TPR: variants seen among roughly 807,000 people sequenced by gnomAD.
TPR encodes the protein nucleoprotein TPR.
TPR carries 51 observed loss-of-function variants against 316.1 expected under a neutral mutation model. The observed-to-expected ratio is 0.16, with a 90% confidence interval of 0.13 to 0.20. The LOEUF (loss-of-function observed/expected upper bound fraction) is 0.20. TPR is among the 10% of genes least tolerant of loss of function. TPR has a pLI of 1.00. For missense variants in TPR, 2,272 were observed against 2,754.8 expected (o/e 0.82, Z 3.92); for synonymous variants, 981 against 914.7 (o/e 1.07, Z -1.31).
At chr1:186,326,281 C>T (rs1214676425) in intron 40 of TPR, 46 bp from the exon 41 acceptor site, 1 of 1,558,416 alleles carries the variant, frequency 6.4e-7, no homozygotes, top group South Asian at 1.2e-5. Flanking sequence ...AGAATATGGC[C>T]CACATGCTCT....
intron 48 of TPR, 105 bp from the exon 49 acceptor site, chr1:186,317,705 C>A: frequency 9.8e-7 from 1 of 1,018,770 alleles, no homozygotes; most frequent in Non-Finnish European, 1.4e-6. Flanking sequence ...TCCAGAGCTC[C>A]CTTAAACAAA....
chr1:186,312,328 T>A lies in TPR; in HGVS notation c.*1643A>T. On this transcript the variant is annotated 3_prime_UTR_variant, in exon 51 of 51. Transcript: ENST00000367478. ...ATAGGACCTTCTCAAACACACACCA[T>A]CAGAATTCAATATTCACCTGCCAGA... 1 of 1,610,384 alleles carries A rather than the reference T, an allele frequency of 6.2e-7. No individual in the cohort carries two copies. Among genetic ancestry groups the A allele is most frequent in the Non-Finnish European group, 8.5e-7 (1 of 1,178,750 alleles).
At chr1:186,367,857 A>G (rs766492449) in intron 4 of TPR, 29 bp downstream of exon 4, 15 of 1,489,454 alleles carry the variant, frequency 1.0e-5, no homozygotes, top group Non-Finnish European at 1.4e-5. Context: ...AAAGGAATGG[A>G]GCTAAAAGCT....
At chr1:186,360,728 G>A (rs780209269) in intron 10 of TPR, 37 bp downstream of exon 10, 4 of 1,609,248 alleles carry the variant, frequency 2.5e-6, no homozygotes, top group Admixed American at 1.7e-5. Flanking sequence ...GAAAGCTGTA[G>A]TATTTCAACT....
Position 186,333,384 on chromosome 1 carries a change from T to G in TPR, c.5193A>C (p.Ser1731=), listed in dbSNP as rs1466776570. ...TQVESQEAMQ[S]EGPVEHVPVF... ...CTGGAACATGTTCCACAGGCCCTTC[T>G]GACTGCATAGCTGAAAAATAATTAT... Residue 1731 remains serine, a synonymous_variant, in exon 37 of 51, where the codon TCA becomes TCC. Coordinates refer to ENST00000367478, the MANE Select transcript of TPR (RefSeq NM_003292.3). 1.2e-6 allele frequency: 2 copies of G among 1,613,262 alleles called. No homozygotes were observed. The highest frequency in any genetic ancestry group is 1.7e-5 in the Admixed American group (1 of 59,904).
At chr1:186,342,262 C>T (rs1658532498) in intron 27 of TPR, 2 of 152,420 alleles carry the variant, frequency 1.3e-5, no homozygotes, top group Non-Finnish European at 2.9e-5. Flanking sequence ...CATGAGCCAC[C>T]ATGCCCGGCC....
chr1:186,334,157 A>G (rs1246341575), intron 36 of TPR, among the ~76,000 whole-genome samples, 168 bp downstream of exon 36: 2 of 152,198 alleles, frequency 1.3e-5, no homozygotes, highest in African/African-American at 4.8e-5. Context: ...TGTCATTACA[A>G]GTGAAAATTT....
chr1:186,316,497 G>T (rs925413183), intron 49 of TPR, among the ~76,000 whole-genome samples: 6 of 152,138 alleles, frequency 3.9e-5, no homozygotes, highest in African/African-American at 1.2e-4. Context: ...AAATCTGAAG[G>T]TTCCATGGCA....
Position 186,360,923 on chromosome 1 carries a change from A to G in TPR, c.959-18T>C, listed in dbSNP as rs1256440303. On this transcript the variant is annotated intron_variant, in intron 9 of 50. Transcript: ENST00000367478. Reference sequence around the variant, plus strand: ...TTTGTTGGCTAAAAAACAATTTTAAAGACCAAATATTCAAACATACAGTTA... The same window carrying G: ...TTTGTTGGCTAAAAAACAATTTTAAGGACCAAATATTCAAACATACAGTTA... 6.2e-7 allele frequency: 1 copy of G among 1,605,054 alleles called. No homozygotes were observed. Among genetic ancestry groups the G allele is most frequent in the South Asian group, 1.1e-5 (1 of 90,108 alleles).
At chr1:186,341,969 AT>A (rs745446885) in intron 27 of TPR, 1 of 148,468 alleles carries the variant, frequency 6.7e-6, no homozygotes, top group East Asian at 2.0e-4. Flanking sequence ...CATTACTATT[AT>A]AATTTTTTTT....
intron 31 of TPR, among the ~76,000 whole-genome samples, chr1:186,337,360 C>A (rs1409455394): frequency 6.6e-6 from 1 of 152,022 alleles, no homozygotes; most frequent in African/African-American, 2.4e-5. Context: ...TACTAAACAG[C>A]TAATCAAAAT....
In TPR at chr1:186,338,147, G is replaced by A. The variant is rs1396714513; in HGVS notation, c.4248C>T (p.Asp1416=). Residue 1416 remains aspartate (D), a synonymous_variant, in exon 31 of 51, where the codon GAC becomes GAT. Coordinates refer to ENST00000367478, the MANE Select transcript of TPR (RefSeq NM_003292.3). ...GGATATCAATTATTTTGGCATCTAAGTCCTTCTGGATGGTTTCCTTTTCAG... is the reference window on the plus strand; with the variant it reads ...GGATATCAATTATTTTGGCATCTAAATCCTTCTGGATGGTTTCCTTTTCAG... The part of the protein sequence containing the change: ...VRTEKETIQK[D]LDAKIIDIQE... 5.0e-6 allele frequency: 8 copies of A among 1,612,882 alleles called. No individual in the cohort carries two copies. The highest frequency in any genetic ancestry group is 5.9e-6 in the Non-Finnish European group (7 of 1,179,504).
In TPR at chr1:186,355,366, T is replaced by A. The variant is rs757627385; in HGVS notation, c.2171+44A>T. 2.6e-6 allele frequency: 4 copies of A among 1,563,566 alleles called. No individual in the cohort carries two copies. The East Asian group carries it at 9.0e-5, about 35-fold the overall frequency. On this transcript the variant is annotated intron_variant, in intron 17 of 50. Coordinates refer to ENST00000367478, the MANE Select transcript of TPR (RefSeq NM_003292.3). ...AATTTAAATGATTTGAATTGTAAAGTATAACATTTAGACTTAATTAATTTG... is the reference window on the plus strand; with the variant it reads ...AATTTAAATGATTTGAATTGTAAAGAATAACATTTAGACTTAATTAATTTG...
rs375161877 is a variant in TPR at position 186,327,331 on chromosome 1, T to C, written c.5889+129A>G. The C allele has an allele frequency of 2.4e-4, 31 of 128,524 alleles. 3 individuals are homozygous for C. The highest frequency in any genetic ancestry group is 9.5e-4 in the African/African-American group (27 of 28,482). The allele number at this position is 128,524 out of a possible 1,614,324, so 8.0% of individuals were successfully genotyped here. On this transcript the variant is annotated intron_variant, in intron 40 of 50. Transcript: ENST00000367478. ...AATATATTAAATATATAATATATAA[T>C]ATAAATAAATATAATCTATTTAAGC...
intron 5 of TPR, 47 bp from the exon 6 acceptor site, chr1:186,363,048 G>T: frequency 2.6e-6 from 4 of 1,541,492 alleles, no homozygotes; most frequent in Non-Finnish European, 3.5e-6. Flanking sequence ...GATGATATAT[G>T]ATTATTCAAA....
In TPR at chr1:186,318,718, G is replaced by A. The variant is rs1235915249; in HGVS notation, c.6664+15C>T. The A allele has an allele frequency of 6.2e-7, 1 of 1,613,666 alleles. No homozygotes were observed. On this transcript the variant is annotated intron_variant, in intron 47 of 50. Coordinates refer to ENST00000367478, the MANE Select transcript of TPR (RefSeq NM_003292.3). ...ACCAATAAAACAGAACCTACTATCT[G>A]CCTTTGATCCCTACCTGGGGCTGCT...
chr1:186,340,438 CT>C (rs897100927), intron 29 of TPR, among the ~76,000 whole-genome samples: 82 of 145,308 alleles, frequency 5.6e-4, no homozygotes, highest in Non-Finnish European at 6.1e-4. Flanking sequence ...TCCTATTTTG[CT>C]TTTTTTTTTT....
Position 186,318,006 on chromosome 1 carries a change from C to T in TPR, c.6822-406G>A, listed in dbSNP as rs145566900. On this transcript the variant is annotated intron_variant, in intron 48 of 50. Transcript: ENST00000367478. ...AAATAGTATACCAGTAACCAAACCACGGGCTCTAGCCCAGATGAGATAGGC... is the reference window on the plus strand; with the variant it reads ...AAATAGTATACCAGTAACCAAACCATGGGCTCTAGCCCAGATGAGATAGGC... Among the ~76,000 whole-genome samples, 612 of 152,330 alleles carry T rather than the reference C, an allele frequency of 4.0e-3. 9 individuals are homozygous for T. Among genetic ancestry groups the T allele is most frequent in the African/African-American group, 0.014 (593 of 41,564 alleles).
intron 4 of TPR, among the ~76,000 whole-genome samples, chr1:186,365,752 T>C (rs573669877): frequency 1.3e-5 from 2 of 152,348 alleles, no homozygotes; most frequent in South Asian, 2.1e-4. Flanking sequence ...TTGTGCATGA[T>C]GTCACAAAAT....
Sources: allele counts gnomAD v4.1 joint callset (sites outside exome capture counted in the v4.1 genomes callset), GRCh38; gene constraint gnomAD v4.1.1; transcripts MANE v1.5; gene names NCBI Gene and HGNC (gene_info 2026-07-23, HGNC 2026-07-21).